Variants in CA10 observed in about 807,000 individuals in gnomAD.
CA10 encodes carbonic anhydrase 10 (inactive).
Under a neutral mutation model 44.2 loss-of-function variants are expected in CA10, and 14 were observed. That is an observed-to-expected ratio of 0.32 (90% confidence interval 0.21 to 0.50). The LOEUF (loss-of-function observed/expected upper bound fraction) is 0.50, where lower values mean the gene tolerates loss of function less well. CA10 is among the 20% of genes least tolerant of loss of function. The pLI is 0.99. For synonymous variants in CA10, 159 were observed against 141.6 expected (o/e 1.12, Z -0.87); for missense variants, 350 against 409.7 (o/e 0.85, Z 1.26).
intron 2 of CA10, among the ~76,000 whole-genome samples, chr17:51,957,148 C>A (rs1315735165): frequency 6.6e-6 from 1 of 152,102 alleles, no homozygotes; most frequent in African/African-American, 2.4e-5. Context: ...AATAGATGAG[C>A]TCAAGTATTT....
chr17:52,096,097 T>C (rs1988393897), intron 1 of CA10, among the ~76,000 whole-genome samples: 1 of 152,138 alleles, frequency 6.6e-6, no homozygotes, highest in Non-Finnish European at 1.5e-5. Context: ...GGATAATGCA[T>C]GTGGGGAAAG....
At chr17:51,962,958 A>G (rs1983947523) in intron 2 of CA10, among the ~76,000 whole-genome samples, 1 of 152,220 alleles carries the variant, frequency 6.6e-6, no homozygotes, top group South Asian at 2.1e-4. Context: ...AAAGAATCCA[A>G]AGCATGTATT....
chr17:51,804,871 T>G (rs571405069), intron 3 of CA10, among the ~76,000 whole-genome samples: 1 of 152,372 alleles, frequency 6.6e-6, no homozygotes, highest in African/African-American at 2.4e-5. Context: ...AGCACTTTCT[T>G]TAACCCTCTT....
chr17:52,126,364 G>T (rs11657771), intron 1 of CA10, among the ~76,000 whole-genome samples: 37,543 of 151,888 alleles, frequency 0.25, 5,497 homozygotes, highest in South Asian at 0.38. Flanking sequence ...GTGTCTATTT[G>T]CCCTTTCCAA....
intron 4 of CA10, among the ~76,000 whole-genome samples, chr17:51,731,712 C>T (rs140418362): frequency 0.019 from 2,906 of 149,708 alleles, 106 homozygotes; most frequent in African/African-American, 0.067. Flanking sequence ...GGGTCTCACT[C>T]TGTTGCCGAG....
At chr17:51,744,665 T>C (rs937756643) in intron 4 of CA10, among the ~76,000 whole-genome samples, 3 of 152,166 alleles carry the variant, frequency 2.0e-5, no homozygotes, top group African/African-American at 7.2e-5. Flanking sequence ...GAAGTCACAA[T>C]TTTCAGAGGC....
Position 51,701,242 on chromosome 17 carries a change from G to A in CA10, c.465+46391C>T, listed in dbSNP as rs80144572. Among the ~76,000 whole-genome samples the A allele has an allele frequency of 6.9e-3, 1,043 of 152,030 alleles. 16 individuals are homozygous for A. Among genetic ancestry groups the A allele is most frequent in the African/African-American group, 0.024 (1,006 of 41,460 alleles). ...CCTCGGCGGGCGGCACCATCACTCC[G>A]GCCTCTGCCTCTGTTTTCACATGGT... On this transcript the variant is annotated intron_variant, in intron 4 of 8. Coordinates refer to ENST00000451037, the MANE Select transcript of CA10 (RefSeq NM_020178.5).
chr17:52,130,562 C>T (rs369862991), intron 1 of CA10, among the ~76,000 whole-genome samples: 1 of 152,116 alleles, frequency 6.6e-6, no homozygotes, highest in Non-Finnish European at 1.5e-5. Flanking sequence ...AGACAAATAT[C>T]GCATTATCTC....
rs547099089 is a variant in CA10 at position 51,657,847 on chromosome 17, G to A, written c.466-4111C>T. The stretch of plus-strand genomic sequence containing the variant: ...CAGGGACAATGAGAGCAAACTCTTC[G>A]GGGGCTAATGATGACATGCTAATTA... On this transcript the variant is annotated intron_variant, in intron 4 of 8. Coordinates refer to ENST00000451037, the MANE Select transcript of CA10 (RefSeq NM_020178.5). Among the ~76,000 whole-genome samples the A allele has an allele frequency of 1.7e-4, 26 of 152,244 alleles. No individual in the cohort carries two copies. The South Asian group carries it at 4.6e-3, about 27-fold the overall frequency.
chr17:51,871,289 T>C (rs1005197246), intron 3 of CA10, among the ~76,000 whole-genome samples: 4 of 151,518 alleles, frequency 2.6e-5, no homozygotes, highest in Admixed American at 2.6e-4. Context: ...TGGAGTGCAA[T>C]GGCATGATCT....
chr17:51,875,581 C>T (rs1055036425), intron 3 of CA10, among the ~76,000 whole-genome samples: 1 of 152,192 alleles, frequency 6.6e-6, no homozygotes, highest in Non-Finnish European at 1.5e-5. Context: ...TACTGCACCC[C>T]AATCTCTGGG....
At chr17:51,725,077 T>C (rs1456246607) in intron 4 of CA10, among the ~76,000 whole-genome samples, 1 of 152,140 alleles carries the variant, frequency 6.6e-6, no homozygotes, top group Admixed American at 6.5e-5. Context: ...CTCGAAGAGG[T>C]GAAGTCTAAG....
At chr17:51,709,919 A>G (rs1234350299) in intron 4 of CA10, among the ~76,000 whole-genome samples, 1 of 152,216 alleles carries the variant, frequency 6.6e-6, no homozygotes, top group Non-Finnish European at 1.5e-5. Flanking sequence ...AATGGGTGGT[A>G]GGGAGAAACC....
intron 2 of CA10, among the ~76,000 whole-genome samples, chr17:52,068,108 C>T (rs999828131): frequency 3.0e-4 from 46 of 152,206 alleles, no homozygotes; most frequent in African/African-American, 1.1e-3. Context: ...GGCTTTGTGT[C>T]CCCACCTAAA....
intron 1 of CA10, among the ~76,000 whole-genome samples, chr17:52,145,156 C>T (rs558879688): frequency 2.0e-5 from 3 of 152,298 alleles, no homozygotes; most frequent in South Asian, 4.1e-4. Context: ...TTATTTTTCT[C>T]ATAATGCCTT....
chr17:51,960,951 A>ATAAT (rs1171057042), intron 2 of CA10, among the ~76,000 whole-genome samples: 1 of 152,172 alleles, frequency 6.6e-6, no homozygotes, highest in African/African-American at 2.4e-5. Flanking sequence ...TGATTACTGT[A>ATAAT]TAATTATTTT....
intron 3 of CA10, among the ~76,000 whole-genome samples, chr17:51,877,625 C>A (rs1980136766): frequency 6.6e-6 from 1 of 152,136 alleles, no homozygotes. Flanking sequence ...TCATTGACCA[C>A]CTGATCATCA....
chr17:51,894,890 TAGAA>T (rs1293750724), intron 3 of CA10, among the ~76,000 whole-genome samples: 3 of 151,902 alleles, frequency 2.0e-5, no homozygotes, highest in African/African-American at 2.4e-5. Flanking sequence ...AAATAAATAA[TAGAA>T]AGACTGACTT....
chr17:51,915,752 G>C (rs2143959951), intron 3 of CA10, among the ~76,000 whole-genome samples: 1 of 152,070 alleles, frequency 6.6e-6, no homozygotes, highest in Non-Finnish European at 1.5e-5. Flanking sequence ...TTCCTCCCGG[G>C]CCGTTTTTAG....
Sources: gnomAD v4.1 joint callset for allele counts (sites outside exome capture counted in the v4.1 genomes callset) on GRCh38, gnomAD v4.1.1 for gene constraint, MANE v1.5 for transcripts, NCBI Gene and HGNC (gene_info 2026-07-23, HGNC 2026-07-21) for gene names.